Variants in ZMYM1 observed in about 807,000 individuals in gnomAD.
The protein encoded by ZMYM1 is zinc finger MYM-type protein 1.
A neutral mutation model predicts 60.0 loss-of-function variants in ZMYM1; 39 were observed. The observed-to-expected ratio is 0.65, with a 90% CI of 0.50 to 0.85. The LOEUF (loss-of-function observed/expected upper bound fraction) is 0.85, where lower values mean the gene tolerates loss of function less well. Ranked by LOEUF, ZMYM1 falls within the 40% of genes least tolerant of loss-of-function variation. The pLI, the probability that ZMYM1 is intolerant of heterozygous loss-of-function variation, is 0.00. For missense variants in ZMYM1, 1,171 were observed against 1,309.5 expected (o/e 0.89, Z 1.63); for synonymous variants, 413 against 454.0 (o/e 0.91, Z 1.15).
rs748885283 is a variant in ZMYM1 at position 35,113,018 on chromosome 1, T to C, written c.1188T>C (p.Ala396=). The C allele has an allele frequency of 6.2e-7, 1 of 1,606,812 alleles. No homozygotes were observed. The highest frequency in any genetic ancestry group is 1.1e-5 in the South Asian group (1 of 89,012). The change falls in exon 10 of 10, where the codon GCT becomes GCC. Residue 396 remains alanine (A), a synonymous_variant. Transcript: ENST00000359858. ...CTAGTGAACCCAGTAATGCTGTTGCTAGTAGTAGTACGGAACAGCCAAGCG... is the reference window on the plus strand; with the variant it reads ...CTAGTGAACCCAGTAATGCTGTTGCCAGTAGTAGTACGGAACAGCCAAGCG... The part of the protein sequence containing the change: ...SSPSEPSNAV[A]SSSTEQPSVS...
chr1:35,087,916 C>T (rs1642744794), intron 1 of ZMYM1, among the ~76,000 whole-genome samples: 1 of 151,808 alleles, frequency 6.6e-6, no homozygotes, highest in Admixed American at 6.6e-5. Context: ...CAAAACTTAG[C>T]CAGGCATGCT....
At chr1:35,107,180 G>T (rs1388322758) in intron 6 of ZMYM1, among the ~76,000 whole-genome samples, 1 of 148,220 alleles carries the variant, frequency 6.7e-6, no homozygotes, top group African/African-American at 2.5e-5. Context: ...AAGCCTATAT[G>T]CCGGGCACGG....
intron 4 of ZMYM1, 100 bp from the exon 5 acceptor site, chr1:35,104,195 G>A: frequency 9.2e-7 from 1 of 1,092,252 alleles, no homozygotes. Flanking sequence ...TTATTTCAAG[G>A]CTAATGTTCT....
chr1:35,060,512 G>A (rs531491152), intron 1 of ZMYM1, among the ~76,000 whole-genome samples: 1 of 152,178 alleles, frequency 6.6e-6, no homozygotes, highest in African/African-American at 2.4e-5. Flanking sequence ...TTGGCCTAGG[G>A]GAAAGAGAGG....
chr1:35,109,258 C>T (rs1644004499), intron 6 of ZMYM1, among the ~76,000 whole-genome samples: 1 of 152,066 alleles, frequency 6.6e-6, no homozygotes, highest in Non-Finnish European at 1.5e-5. Context: ...TCTCAAACTC[C>T]TGGGTTCAAG....
chr1:35,099,995 A>G (rs1392713733), intron 4 of ZMYM1, among the ~76,000 whole-genome samples: 3 of 152,220 alleles, frequency 2.0e-5, no homozygotes, highest in Admixed American at 1.3e-4. Context: ...GGTTCAAGCA[A>G]TTCTCCTGCC....
intron 6 of ZMYM1, among the ~76,000 whole-genome samples, chr1:35,105,239 A>G (rs1274087513): frequency 4.2e-5 from 6 of 142,028 alleles, no homozygotes; most frequent in Non-Finnish European, 4.5e-5. Context: ...GGTTCATGCC[A>G]TTCTCCTGCC....
chr1:35,109,469 A>G lies in ZMYM1; in HGVS notation c.808-825A>G, dbSNP rs541543544. On this transcript the variant is annotated intron_variant, in intron 6 of 9. Transcript: ENST00000359858. ...CATGGTTACTACTTACTGAACTCAC[A>G]GTACTCTATACTTTCTATTGCTTGT... Among the ~76,000 whole-genome samples, 93 of 152,284 alleles carry G rather than the reference A, an allele frequency of 6.1e-4. 1 individual carries two copies. Among genetic ancestry groups the G allele is most frequent in the Non-Finnish European group, 2.2e-4 (15 of 68,022 alleles).
At chr1:35,080,426 C>T (rs1045582069) in intron 1 of ZMYM1, among the ~76,000 whole-genome samples, 2 of 151,594 alleles carry the variant, frequency 1.3e-5, no homozygotes, top group East Asian at 1.9e-4. Flanking sequence ...AAGCGATCCT[C>T]CCACCTCAGG....
chr1:35,091,278 T>C lies in ZMYM1; in HGVS notation c.-74-2636T>C, dbSNP rs11264043. On this transcript the variant is annotated intron_variant, in intron 1 of 9. Transcript: ENST00000359858. Reference sequence around the variant, plus strand: ...CCCAGGCTGGAGTGCAGTGGCGCGATCTCGGCTCACTGCAAGCTCCGTCTC... The same window carrying C: ...CCCAGGCTGGAGTGCAGTGGCGCGACCTCGGCTCACTGCAAGCTCCGTCTC... 6.7e-3 allele frequency among the ~76,000 whole-genome samples: 1,027 copies of C among 152,158 alleles called. 15 individuals are homozygous for C. The highest frequency in any genetic ancestry group is 0.023 in the African/African-American group (975 of 41,522).
chr1:35,085,566 T>A (rs192420909), intron 1 of ZMYM1, among the ~76,000 whole-genome samples: 38 of 152,266 alleles, frequency 2.5e-4, no homozygotes, highest in African/African-American at 7.9e-4. Flanking sequence ...CTCCTGTGGT[T>A]GTTGTAGATC....
chr1:35,104,459 A>C lies in ZMYM1; in HGVS notation c.584A>C (p.Lys195Thr). The change falls in exon 5 of 10, where the codon AAG becomes ACG. Residue 195 changes from lysine to threonine, a missense_variant. Lys to Thr is a moderately conservative substitution (Grantham distance 78, BLOSUM62 -1). Transcript: ENST00000359858. The stretch of plus-strand genomic sequence containing the variant: ...TTGACCAAGTGCAGCATGTGCCAGA[A>C]GACTGCTATTGTAAGTTCCAATTAT... ...SILTKCSMCQ[K>T]TAIIQYEVKY... The C allele has an allele frequency of 6.2e-7, 1 of 1,609,842 alleles. No individual in the cohort carries two copies. The highest frequency in any genetic ancestry group is 8.5e-7 in the Non-Finnish European group (1 of 1,177,310).
chr1:35,105,847 TC>T (rs1235110593), intron 6 of ZMYM1, among the ~76,000 whole-genome samples: 2 of 152,290 alleles, frequency 1.3e-5, no homozygotes, highest in East Asian at 1.9e-4. Context: ...ACTCAGCTGA[TC>T]CTCCTGCCTT....
At chr1:35,076,712 C>T (rs1260701899), upstream of ZMYM1, among the ~76,000 whole-genome samples, 1 of 151,784 alleles carries the variant, frequency 6.6e-6, no homozygotes, top group Non-Finnish European at 1.5e-5. Context: ...GTGGGCAGAT[C>T]ACTTGAGGTC....
At chr1:35,117,582 A>G (rs1644262060), downstream of ZMYM1, among the ~76,000 whole-genome samples, 1 of 151,804 alleles carries the variant, frequency 6.6e-6, no homozygotes, top group Non-Finnish European at 1.5e-5. Flanking sequence ...TTGGCCTCCC[A>G]AAGTGCTGGG....
intron 4 of ZMYM1, among the ~76,000 whole-genome samples, chr1:35,101,587 C>A (rs1047637093): frequency 6.6e-6 from 1 of 151,086 alleles, no homozygotes; most frequent in African/African-American, 2.4e-5. Context: ...CCTCAAATAT[C>A]TTTACCTTTT....
intron 4 of ZMYM1, among the ~76,000 whole-genome samples, chr1:35,101,271 G>C (rs914412396): frequency 6.6e-6 from 1 of 151,054 alleles, no homozygotes; most frequent in Non-Finnish European, 1.5e-5. Context: ...ACCATGCCCC[G>C]TTAATTTTTG....
chr1:35,092,610 T>C (rs1643090927), intron 1 of ZMYM1, among the ~76,000 whole-genome samples: 1 of 147,206 alleles, frequency 6.8e-6, no homozygotes, highest in African/African-American at 2.7e-5. Flanking sequence ...CTTCCTTTCT[T>C]TCTTTCTTTC....
At chr1:35,060,411 C>T (rs535353385) in intron 1 of ZMYM1, among the ~76,000 whole-genome samples, 48 of 151,820 alleles carry the variant, frequency 3.2e-4, no homozygotes, top group East Asian at 1.4e-3. Context: ...CGACCCCCCT[C>T]GGCCTCCCAA....
Sources: allele counts gnomAD v4.1 joint callset (sites outside exome capture counted in the v4.1 genomes callset), GRCh38; gene constraint gnomAD v4.1.1; transcripts MANE v1.5; gene names NCBI Gene and HGNC (gene_info 2026-07-23, HGNC 2026-07-21).